The following MSI2 variants were observed in gnomAD, a reference collection of about 807,000 sequenced individuals.
MSI2 encodes musashi RNA binding protein 2, also known as RNA-binding protein Musashi homolog 2.
A neutral mutation model predicts 45.6 loss-of-function variants in MSI2; 17 were observed. That is an observed-to-expected ratio of 0.37 (90% CI 0.26 to 0.56). MSI2 has a LOEUF of 0.56. MSI2 is among the 20% of genes least tolerant of loss of function. The probability of loss-of-function intolerance (pLI) is 0.77; values close to 1 mark genes in which losing one functional copy is unlikely to be tolerated. For missense variants in MSI2, 293 were observed against 444.2 expected (o/e 0.66, Z 3.06); for synonymous variants, 156 against 158.2 (o/e 0.99, Z 0.11).
At chr17:57,350,574 A>T (rs973333014) in intron 5 of MSI2, among the ~76,000 whole-genome samples, 1 of 151,532 alleles carries the variant, frequency 6.6e-6, no homozygotes, top group Non-Finnish European at 1.5e-5. Context: ...TCCCTCTCAC[A>T]CCCCACCACA....
intron 5 of MSI2, among the ~76,000 whole-genome samples, chr17:57,319,921 G>A (rs777177979): frequency 3.3e-5 from 5 of 152,108 alleles, no homozygotes; most frequent in African/African-American, 4.8e-5. Flanking sequence ...GCCGAGTAGG[G>A]GTTTTCTGCT....
chr17:57,320,196 G>A (rs1286265698), intron 5 of MSI2, among the ~76,000 whole-genome samples: 1 of 152,210 alleles, frequency 6.6e-6, no homozygotes, highest in African/African-American at 2.4e-5. Flanking sequence ...GCGATTGTGA[G>A]CTCTTGCAGT....
intron 5 of MSI2, among the ~76,000 whole-genome samples, chr17:57,361,166 T>C (rs530043590): frequency 2.0e-5 from 3 of 152,180 alleles, no homozygotes; most frequent in Non-Finnish European, 4.4e-5. Context: ...TGCGTATAAC[T>C]TTTGAGTACC....
intron 5 of MSI2, among the ~76,000 whole-genome samples, chr17:57,359,590 C>T (rs1394900620): frequency 1.3e-5 from 2 of 152,136 alleles, no homozygotes. Flanking sequence ...AAAGTTTGTA[C>T]CCAGTCATGG....
chr17:57,462,756 C>A (rs887500114), intron 6 of MSI2, among the ~76,000 whole-genome samples: 4 of 152,182 alleles, frequency 2.6e-5, no homozygotes, highest in African/African-American at 9.7e-5. Context: ...GGAATGTTGG[C>A]CCCCAAAGCA....
At chr17:57,429,393 A>G (rs1251873402) in intron 6 of MSI2, among the ~76,000 whole-genome samples, 1 of 152,184 alleles carries the variant, frequency 6.6e-6, no homozygotes, top group Admixed American at 6.5e-5. Context: ...GACACTGGGC[A>G]AAGGGTGATG....
rs1396550656 is a variant in MSI2 at position 57,283,926 on chromosome 17, C to T, written c.312+21734C>T. ...GCCCAGCAGGTCCATGTTTCTATCCCGGAGACCCTTGGGTTAGGAAATATT... is the reference window on the plus strand; with the variant it reads ...GCCCAGCAGGTCCATGTTTCTATCCTGGAGACCCTTGGGTTAGGAAATATT... On this transcript the variant is annotated intron_variant, in intron 5 of 13. Coordinates refer to ENST00000284073, the MANE Select transcript of MSI2 (RefSeq NM_138962.4). Among the ~76,000 whole-genome samples the T allele has an allele frequency of 3.9e-5, 6 of 152,174 alleles. No individual in the cohort carries two copies. The East Asian group carries it at 1.2e-3, about 29-fold the overall frequency.
chr17:57,421,528 C>T (rs2084396019), intron 6 of MSI2, among the ~76,000 whole-genome samples: 1 of 141,738 alleles, frequency 7.1e-6, no homozygotes, highest in Admixed American at 7.5e-5. Flanking sequence ...CTCTGTCCCT[C>T]CTCCCCATTC....
In MSI2 at chr17:57,674,982, G is replaced by C; in HGVS notation, c.801G>C (p.Pro267=). ...CCGCTTCCCCGGCAGGCTCCAACCC[G>C]GCGCGGCCCGGAGGCTTCCCGGGGG... ...VAAARGSGSN[P]ARPGGFPGAN... is the part of the protein sequence containing the mutation. Residue 267 remains proline, a synonymous_variant, in exon 12 of 14, where the codon CCG becomes CCC. Transcript: ENST00000284073. The C allele has an allele frequency of 6.2e-7, 1 of 1,613,246 alleles. No individual in the cohort carries two copies. The highest frequency in any genetic ancestry group is 8.5e-7 in the Non-Finnish European group (1 of 1,179,730).
Position 57,458,704 on chromosome 17 carries a change from G to A in MSI2, c.405+57233G>A, listed in dbSNP as rs573351389. On this transcript the variant is annotated intron_variant, in intron 6 of 13. Coordinates refer to ENST00000284073, the MANE Select transcript of MSI2 (RefSeq NM_138962.4). ...GCTGCTCGGCCCATAACTCAGATCA[G>A]TTAGCATATAAACTCCAGAAAATAA... Among the ~76,000 whole-genome samples the A allele has an allele frequency of 2.0e-5, 3 of 152,334 alleles. No homozygotes were observed. The South Asian group carries it at 6.2e-4, about 32-fold the overall frequency.
chr17:57,259,666 T>C (rs1907130960), intron 4 of MSI2, among the ~76,000 whole-genome samples: 1 of 152,260 alleles, frequency 6.6e-6, no homozygotes, highest in Non-Finnish European at 1.5e-5. Flanking sequence ...TAATTTAATT[T>C]CAGAAATGAT....
Position 57,283,245 on chromosome 17 carries a change from G to A in MSI2, c.312+21053G>A, listed in dbSNP as rs760338448. 3.9e-5 allele frequency among the ~76,000 whole-genome samples: 6 copies of A among 152,094 alleles called. No individual in the cohort carries two copies. The East Asian group carries it at 5.8e-4, about 15-fold the overall frequency. On this transcript the variant is annotated intron_variant, in intron 5 of 13. Coordinates refer to ENST00000284073, the MANE Select transcript of MSI2 (RefSeq NM_138962.4). ...TTTCACTAAGGGCGGAATCTGGCCC[G>A]TAAAGTCTCTGGAGTGAGTGCTGGG... is the stretch of plus-strand genomic sequence containing the variant.
chr17:57,256,068 T>C (rs7218458), upstream of MSI2: 152,364 of 152,434 alleles, frequency 1, 76,148 homozygotes, highest in Middle Eastern at 1. Context: ...CTGGTGCCAT[T>C]CCCGGATCTC....
At chr17:57,372,433 G>A (rs188111324) in intron 5 of MSI2, among the ~76,000 whole-genome samples, 40 of 152,290 alleles carry the variant, frequency 2.6e-4, no homozygotes, top group South Asian at 1.0e-3. Flanking sequence ...TCTTTTTACC[G>A]CTTGGGTTTA....
intron 7 of MSI2, among the ~76,000 whole-genome samples, chr17:57,589,193 A>G (rs892446567): frequency 2.6e-5 from 4 of 152,144 alleles, no homozygotes; most frequent in African/African-American, 9.7e-5. Context: ...AGTGTCTGAA[A>G]ACGCCCAGGA....
chr17:57,333,034 GAAA>G (rs67130236), intron 5 of MSI2, among the ~76,000 whole-genome samples: 1 of 147,670 alleles, frequency 6.8e-6, no homozygotes, highest in African/African-American at 2.5e-5. Context: ...CCAAAAAAAA[GAAA>G]AAAAAAAGAG....
At chr17:57,490,220 T>C (rs1432336020) in intron 6 of MSI2, among the ~76,000 whole-genome samples, 1 of 152,230 alleles carries the variant, frequency 6.6e-6, no homozygotes, top group Non-Finnish European at 1.5e-5. Flanking sequence ...ACTCAGTAGA[T>C]GCTAGTTCTT....
intron 5 of MSI2, chr17:57,274,129 A>G (rs1044436921): frequency 2.0e-5 from 3 of 152,246 alleles, no homozygotes; most frequent in Non-Finnish European, 4.4e-5. Context: ...GTGATGCCAC[A>G]TAGGCCGGGG....
intron 11 of MSI2, among the ~76,000 whole-genome samples, chr17:57,662,309 A>G (rs913302850): frequency 2.6e-5 from 4 of 152,172 alleles, no homozygotes; most frequent in African/African-American, 9.7e-5. Flanking sequence ...TTCCAGGGGA[A>G]GGTATCTTGT....
Sources: allele counts gnomAD v4.1 joint callset (sites outside exome capture counted in the v4.1 genomes callset), GRCh38; gene constraint gnomAD v4.1.1; transcripts MANE v1.5; gene names NCBI Gene and HGNC (gene_info 2026-07-23, HGNC 2026-07-21).